The following DHRS4L2 variants were observed in gnomAD, a reference collection of about 807,000 sequenced individuals.
The protein encoded by DHRS4L2 is dehydrogenase/reductase 4 like 2.
DHRS4L2 carries 22 observed loss-of-function variants against 23.9 expected under a neutral mutation model. That is an observed-to-expected ratio of 0.92 (90% CI 0.66 to 1.31). DHRS4L2 has a LOEUF of 1.31. Among genes scored for constraint, DHRS4L2 ranks in the 40% most tolerant of loss-of-function variants. DHRS4L2 has a pLI of 0.00. For synonymous variants in DHRS4L2, 141 were observed against 123.7 expected, an observed-to-expected ratio of 1.14 and a Z score of -0.93; for missense variants, 385 against 303.3, an observed-to-expected ratio of 1.27 and a Z score of -2.00.
intron 1 of DHRS4L2, among the ~76,000 whole-genome samples, chr14:23,981,721 G>C (rs2034056530): frequency 6.6e-6 from 1 of 151,692 alleles, no homozygotes; most frequent in East Asian, 1.9e-4. Flanking sequence ...CAGAAGAGCA[G>C]GGTGATAGTG....
At chr14:23,977,594 A>C (rs2033991398) in intron 1 of DHRS4L2, among the ~76,000 whole-genome samples, 1 of 151,752 alleles carries the variant, frequency 6.6e-6, no homozygotes, top group Non-Finnish European at 1.5e-5. Context: ...GAACCCCCAA[A>C]ATCACTTTAA....
intron 1 of DHRS4L2, 111 bp from the exon 2 acceptor site, chr14:23,990,071 T>C (rs867109326): frequency 4.6e-6 from 7 of 1,519,338 alleles, no homozygotes; most frequent in Middle Eastern, 1.8e-4. Context: ...GTAGGAGTTA[T>C]ATAGAGAAAG....
At chr14:23,976,964 G>C (rs908255149) in intron 1 of DHRS4L2, among the ~76,000 whole-genome samples, 6 of 150,710 alleles carry the variant, frequency 4.0e-5, no homozygotes, top group African/African-American at 1.5e-4. Context: ...GGGGCTGGGG[G>C]GCTGGGAGAG....
At chr14:23,971,522 G>C (rs2033857591) in intron 1 of DHRS4L2, among the ~76,000 whole-genome samples, 1 of 152,016 alleles carries the variant, frequency 6.6e-6, no homozygotes, top group Admixed American at 6.5e-5. Flanking sequence ...TCCTTGAGAA[G>C]AGCAACCCCA....
intron 1 of DHRS4L2, among the ~76,000 whole-genome samples, chr14:23,982,875 G>A (rs371993227): frequency 9.7e-4 from 147 of 151,396 alleles, no homozygotes; most frequent in Middle Eastern, 3.4e-3. Flanking sequence ...ATTAAGTTGG[G>A]TTTAATTAAG....
In DHRS4L2 at chr14:23,992,526, C is replaced by T. The variant is rs1421881584; in HGVS notation, c.306+2167C>T. ...CAGTGGCCTCCTCATCTGCACACCA[C>T]GAAGCTTCTCACTGGTGTTGTAAGT... On this transcript the variant is annotated intron_variant, in intron 2 of 7. Transcript: ENST00000335125. 4.6e-5 allele frequency among the ~76,000 whole-genome samples: 7 copies of T among 151,236 alleles called. 1 individual carries two copies. The highest frequency in any genetic ancestry group is 8.8e-5 in the Non-Finnish European group (6 of 67,840).
At chr14:23,974,928 T>G (rs903197972) in intron 1 of DHRS4L2, among the ~76,000 whole-genome samples, 8 of 151,746 alleles carry the variant, frequency 5.3e-5, no homozygotes, top group African/African-American at 1.9e-4. Flanking sequence ...ATATCAAAGC[T>G]TGGCAGAGAC....
chr14:23,992,216 G>C (rs1267148687), intron 2 of DHRS4L2, among the ~76,000 whole-genome samples: 1 of 151,530 alleles, frequency 6.6e-6, no homozygotes, highest in Non-Finnish European at 1.5e-5. Flanking sequence ...CCGAATCCAG[G>C]GCATCAGTGA....
At chr14:23,990,046 A>T in intron 1 of DHRS4L2, 136 bp from the exon 2 acceptor site, 1 of 1,385,092 alleles carries the variant, frequency 7.2e-7, no homozygotes, top group Non-Finnish European at 9.7e-7. Context: ...CCTGTTTTAC[A>T]CATAGTAGGC....
At chr14:23,970,806 A>G (rs2033840969) in intron 1 of DHRS4L2, among the ~76,000 whole-genome samples, 1 of 152,050 alleles carries the variant, frequency 6.6e-6, no homozygotes, top group Non-Finnish European at 1.5e-5. Context: ...GCTGTTCTGC[A>G]GCCTCCTCTA....
At chr14:23,975,333 G>C (rs1242140520) in intron 1 of DHRS4L2, among the ~76,000 whole-genome samples, 2 of 151,688 alleles carry the variant, frequency 1.3e-5, no homozygotes, top group African/African-American at 4.8e-5. Context: ...ATTCACAATT[G>C]CTACAAAGAG....
In DHRS4L2 at chr14:23,981,274, C is replaced by T. The variant is rs549632963; in HGVS notation, c.-175-8908C>T. On this transcript the variant is annotated intron_variant, in intron 1 of 5. Coordinates refer to the DHRS4L2 transcript ENST00000534993. ...ATGTGAAGGACCTCTTCAAGGAGAA[C>T]TACAAACCACTGCTCAAGGAAATAA... Among the ~76,000 whole-genome samples, 20 of 151,612 alleles carry T rather than the reference C, an allele frequency of 1.3e-4. No homozygotes were observed. In the East Asian group the frequency reaches 3.9e-3, roughly 29 times the overall value.
intron 2 of DHRS4L2, among the ~76,000 whole-genome samples, chr14:23,992,543 G>A (rs1447246246): frequency 6.6e-6 from 1 of 151,250 alleles, no homozygotes; most frequent in Non-Finnish European, 1.5e-5. Context: ...TCTCACTGGT[G>A]TTGTAAGTGG....
At chr14:23,986,878 C>G (rs183708765), upstream of DHRS4L2, among the ~76,000 whole-genome samples, 29 of 151,736 alleles carry the variant, frequency 1.9e-4, no homozygotes, top group East Asian at 3.9e-4. Context: ...AGTGCAAGAG[C>G]ACAAGGAGTG....
Position 23,996,707 on chromosome 14 carries a change from C to T in DHRS4L2, c.408+1574C>T, listed in dbSNP as rs926712987. 7.7e-5 allele frequency among the ~76,000 whole-genome samples: 11 copies of T among 143,018 alleles called. 1 individual carries two copies. The highest frequency in any genetic ancestry group is 1.5e-4 in the Non-Finnish European group (10 of 66,504). The allele number at this position is 143,018 out of a possible 152,430, so 93.8% of individuals were successfully genotyped here. On this transcript the variant is annotated intron_variant, in intron 3 of 7. Transcript: ENST00000335125. ...TGAGGCTAGAGGGCTGTGGTGTGATCTCAGCTCACTGCAACCTCAGCCTCC... is the reference window on the plus strand; with the variant it reads ...TGAGGCTAGAGGGCTGTGGTGTGATTTCAGCTCACTGCAACCTCAGCCTCC...
chr14:23,976,481 T>C lies in DHRS4L2; in HGVS notation c.-176+6149T>C, dbSNP rs564959678. Among the ~76,000 whole-genome samples the C allele has an allele frequency of 5.3e-5, 8 of 151,828 alleles. 1 individual carries two copies. In the East Asian group the frequency reaches 5.8e-4, roughly 11 times the overall value. The stretch of plus-strand genomic sequence containing the variant: ...AGAAGCTGGAGAGGATGTGGAGAAA[T>C]AGGAAGGCTTTTAGACTGTTGGTGG... On this transcript the variant is annotated intron_variant, in intron 1 of 5. Transcript: ENST00000534993.
rs556361804 is a variant in DHRS4L2 at position 23,974,196 on chromosome 14, C to G, written c.-176+3864C>G. 4.0e-5 allele frequency among the ~76,000 whole-genome samples: 6 copies of G among 151,782 alleles called. 1 individual carries two copies. The South Asian group carries it at 1.0e-3, about 26-fold the overall frequency. On this transcript the variant is annotated intron_variant, in intron 1 of 5. Coordinates refer to the DHRS4L2 transcript ENST00000534993. ...GCAGAAATAAACATGGTCTTTGAAA[C>G]CAATGAGAACAAAGACACAGTGTAG...
At chr14:23,996,661 TTTTCC>T (rs1287368785) in intron 3 of DHRS4L2, among the ~76,000 whole-genome samples, 7 of 141,480 alleles carry the variant, frequency 4.9e-5, no homozygotes, top group African/African-American at 2.0e-4. Flanking sequence ...TTTTTTTTTT[TTTTCC>T]CCCTCGCTGT....
intron 1 of DHRS4L2, among the ~76,000 whole-genome samples, chr14:23,977,251 T>C (rs375320851): frequency 6.6e-6 from 1 of 151,728 alleles, no homozygotes; most frequent in Non-Finnish European, 1.5e-5. Context: ...ATAATTGGCT[T>C]ACATTTAAAA....
Sources: allele counts gnomAD v4.1 joint callset (sites outside exome capture counted in the v4.1 genomes callset), GRCh38; gene constraint gnomAD v4.1.1; transcripts MANE v1.5; gene names NCBI Gene and HGNC (gene_info 2026-07-23, HGNC 2026-07-21).